PPME1: variants seen among roughly 807,000 people sequenced by gnomAD.
PPME1 encodes protein phosphatase methylesterase 1.
Under a neutral mutation model 56.9 loss-of-function variants are expected in PPME1, and 17 were observed. The observed-to-expected ratio is 0.30, with a 90% CI of 0.20 to 0.45. PPME1 has a LOEUF of 0.45. Among genes scored for constraint, PPME1 ranks in the 20% least tolerant of loss-of-function variants. The pLI, the probability that PPME1 is intolerant of heterozygous loss-of-function variation, is 1.00. For missense variants in PPME1, 357 were observed against 483.2 expected, an observed-to-expected ratio of 0.74 and a Z score of 2.45; for synonymous variants, 122 against 156.2, an observed-to-expected ratio of 0.78 and a Z score of 1.63.
At chr11:74,173,294 C>T (rs546378211) in intron 1 of PPME1, among the ~76,000 whole-genome samples, 5 of 152,198 alleles carry the variant, frequency 3.3e-5, no homozygotes, top group Non-Finnish European at 7.4e-5. Context: ...TGCTGCCTTT[C>T]TTAAAATAAA....
At chr11:74,188,100 T>G (rs1258143317) in intron 1 of PPME1, among the ~76,000 whole-genome samples, 9 of 152,130 alleles carry the variant, frequency 5.9e-5, no homozygotes, top group African/African-American at 2.2e-4. Flanking sequence ...CTAGACTAAC[T>G]CATTGCTACT....
chr11:74,204,257 GT>G lies in PPME1; in HGVS notation c.196-92del, dbSNP rs1858261157. The G allele has an allele frequency of 1.5e-5, 14 of 936,652 alleles. No homozygotes were observed. The East Asian group carries it at 3.8e-4, about 25-fold the overall frequency. The allele number at this position is 936,652 out of a possible 1,614,324, so 58.0% of individuals were successfully genotyped here. On this transcript the variant is annotated intron_variant, in intron 2 of 13. Transcript: ENST00000328257. ...CATCTCTTACATTTGGCAGTCTGCA[GT>G]TTTGCATGTAAGTTTCTAGCGGTAT... is the stretch of plus-strand genomic sequence containing the variant.
Position 74,232,387 on chromosome 11 carries a change from T to A in PPME1, c.644+1385T>A, listed in dbSNP as rs115577042. Among the ~76,000 whole-genome samples the A allele has an allele frequency of 7.2e-4, 109 of 152,364 alleles. 1 individual carries two copies. The highest frequency in any genetic ancestry group is 2.4e-3 in the African/African-American group (100 of 41,586). On this transcript the variant is annotated intron_variant, in intron 7 of 13. Coordinates refer to ENST00000328257, the MANE Select transcript of PPME1 (RefSeq NM_016147.3). The stretch of plus-strand genomic sequence containing the variant: ...GGAAATTTAGGACTTGGTAAATATA[T>A]CCTAGGCGTTTTCCTAGGACAAATG...
intron 1 of PPME1, among the ~76,000 whole-genome samples, chr11:74,190,146 A>C (rs902875692): frequency 2.0e-5 from 3 of 152,244 alleles, no homozygotes; most frequent in South Asian, 2.1e-4. Flanking sequence ...ATTTTTAGAA[A>C]GCCACCTAGC....
At chr11:74,234,144 C>A (rs905041106) in intron 7 of PPME1, among the ~76,000 whole-genome samples, 1 of 152,056 alleles carries the variant, frequency 6.6e-6, no homozygotes, top group Admixed American at 6.6e-5. Flanking sequence ...GTTTTTAGCC[C>A]AAGCAATTGG....
intron 3 of PPME1, among the ~76,000 whole-genome samples, chr11:74,220,621 A>G (rs549587254): frequency 2.0e-5 from 3 of 152,298 alleles, no homozygotes; most frequent in Non-Finnish European, 4.4e-5. Flanking sequence ...AATTATGTCT[A>G]AGTAGTAAAG....
At position 74,230,339 on chromosome 11, in the gene PPME1, A is replaced by G. The variant is rs770381896; in HGVS notation, c.493A>G (p.Thr165Ala). 1.2e-5 allele frequency: 19 copies of G among 1,613,918 alleles called. No individual in the cohort carries two copies. Among genetic ancestry groups the G allele is most frequent in the Non-Finnish European group, 1.6e-5 (19 of 1,179,818 alleles). ...CATGGGTGGTGCTATTGCAGTCCACACAGCATCATCCAACCTGGTACCAAG... is the reference window on the plus strand; with the variant it reads ...CATGGGTGGTGCTATTGCAGTCCACGCAGCATCATCCAACCTGGTACCAAG... ...HSMGGAIAVH[T>A]ASSNLVPSLL... is the part of the protein sequence containing the mutation. Residue 165 changes from threonine (T) to alanine (A), a missense_variant, in exon 6 of 14, where the codon ACA becomes GCA. Thr to Ala is a moderately conservative substitution (Grantham distance 58). Around this residue, in one of 2 missense-constraint regions of PPME1, gnomAD observed 182 missense variants for 293.8 expected, o/e 0.62. Transcript: ENST00000328257. This position sits in a 1 kb window ranked among gnomAD's most constrained non-coding sequence, Gnocchi z 4.9.
In PPME1 at chr11:74,253,606, C is replaced by A; in HGVS notation, c.*96C>A. The A allele has an allele frequency of 7.2e-7, 1 of 1,390,632 alleles. No homozygotes were observed. The highest frequency in any genetic ancestry group is 1.0e-6 in the Non-Finnish European group (1 of 978,388). 86.1% of individuals were successfully genotyped at this position (1,390,632 alleles called of 1,614,324 possible). A position where few individuals can be genotyped will look rare whatever the true frequency, so the allele number is the denominator to read the frequency against. ...GCCACTGTCTCCTCTCCATCCCGCC[C>A]AGCCATGTGACACTGGCTCCCGGTA... On this transcript the variant is annotated 3_prime_UTR_variant, in exon 14 of 14. Transcript: ENST00000328257.
chr11:74,199,286 C>A (rs76828790), intron 1 of PPME1, among the ~76,000 whole-genome samples: 9,229 of 152,166 alleles, frequency 0.061, 485 homozygotes, highest in African/African-American at 0.15. Context: ...AGCTGTACTT[C>A]TTAGGGTATT....
intron 7 of PPME1, among the ~76,000 whole-genome samples, chr11:74,232,860 ATTT>A (rs35057762): frequency 3.2e-5 from 3 of 93,842 alleles, no homozygotes; most frequent in Admixed American, 1.1e-4. Context: ...TTGTTATTTG[ATTT>A]TTTTTTTTTT....
intron 1 of PPME1, among the ~76,000 whole-genome samples, chr11:74,197,819 T>C (rs2135614195): frequency 6.6e-6 from 1 of 152,202 alleles, no homozygotes; most frequent in East Asian, 1.9e-4. Flanking sequence ...AGTGGAATTA[T>C]AGCAAAATAC....
chr11:74,223,816 T>G (rs1275805646), intron 4 of PPME1, among the ~76,000 whole-genome samples: 3 of 147,284 alleles, frequency 2.0e-5, no homozygotes, highest in African/African-American at 7.6e-5. Context: ...TAAATTTGTT[T>G]GAGTTCATTG....
chr11:74,252,452 C>A, intron 13 of PPME1: 1 of 455,818 alleles, frequency 2.2e-6, no homozygotes, highest in Non-Finnish European at 4.4e-6. Context: ...AGCTACTAAG[C>A]AAGCTGGGAA....
At chr11:74,210,635 CT>C (rs1416597167) in intron 3 of PPME1, among the ~76,000 whole-genome samples, 1 of 152,152 alleles carries the variant, frequency 6.6e-6, no homozygotes, top group Admixed American at 6.5e-5. Flanking sequence ...TCCCTCCCCT[CT>C]TTCTGCTTCC....
rs775025978 is a variant in PPME1, at chr11:74,237,240, G to T, written c.710+1274G>T. On this transcript the variant is annotated intron_variant, in intron 8 of 13. Transcript: ENST00000328257. ...AAGAATACTTGATAGGTGATGTTGC[G>T]TACTGCCATCAGGAAGTACATAATG... Among the ~76,000 whole-genome samples the T allele has an allele frequency of 2.7e-5, 4 of 149,786 alleles. No homozygotes were observed. The East Asian group carries it at 7.8e-4, about 29-fold the overall frequency.
At chr11:74,178,727 C>G (rs1857458105) in intron 1 of PPME1, among the ~76,000 whole-genome samples, 1 of 152,036 alleles carries the variant, frequency 6.6e-6, no homozygotes, top group South Asian at 2.1e-4. Flanking sequence ...GAGTAAAAGT[C>G]CGTTTTTCCA....
intron 3 of PPME1, among the ~76,000 whole-genome samples, chr11:74,220,224 G>C (rs767512531): frequency 6.6e-6 from 1 of 152,074 alleles, no homozygotes; most frequent in East Asian, 1.9e-4. Flanking sequence ...TTTCCCAGCC[G>C]ACTTCTTAAG....
At chr11:74,234,679 G>T (rs1859148280) in intron 7 of PPME1, among the ~76,000 whole-genome samples, 1 of 152,182 alleles carries the variant, frequency 6.6e-6, no homozygotes, top group Admixed American at 6.5e-5. Context: ...TATATAAGTT[G>T]GGGAAAGGAT....
chr11:74,246,275 A>C, intron 10 of PPME1, 70 bp downstream of exon 10: 1 of 1,355,152 alleles, frequency 7.4e-7, no homozygotes, highest in African/African-American at 1.5e-5. Context: ...TGAGTGGCTT[A>C]AACAACAGAA....
Sources: allele counts gnomAD v4.1 joint callset (sites outside exome capture counted in the v4.1 genomes callset), GRCh38; gene constraint gnomAD v4.1.1; regional missense constraint gnomAD v4.1.1; non-coding constraint Gnocchi (gnomAD v3.1); transcripts MANE v1.5; gene names NCBI Gene and HGNC (gene_info 2026-07-23, HGNC 2026-07-21).